The following PTPRR variants were observed in gnomAD, a reference collection of about 807,000 sequenced individuals.
PTPRR encodes receptor-type tyrosine-protein phosphatase R.
In PTPRR, 38 loss-of-function variants were observed where a neutral mutation model predicts 77.2. That is an observed-to-expected ratio of 0.49 (90% CI 0.38 to 0.65). The LOEUF is 0.65. Among genes scored for constraint, PTPRR ranks in the 30% least tolerant of loss-of-function variants. PTPRR has a pLI of 0.00. For missense variants in PTPRR, 744 were observed against 799.2 expected (o/e 0.93, Z 0.83); for synonymous variants, 299 against 283.1 (o/e 1.06, Z -0.57).
intron 2 of PTPRR, among the ~76,000 whole-genome samples, chr12:70,792,933 A>C (rs1224529232): frequency 1.3e-5 from 2 of 152,162 alleles, no homozygotes; most frequent in Non-Finnish European, 2.9e-5. Flanking sequence ...GGAAAGACAA[A>C]AACCAAATTT....
chr12:70,639,543 G>T, intron 13 of PTPRR: 1 of 1,160,504 alleles, frequency 8.6e-7, no homozygotes, highest in Non-Finnish European at 1.1e-6. Context: ...TGGGGAGGTG[G>T]TACAGCCTAA....
At chr12:70,836,302 A>G (rs1237053857) in intron 2 of PTPRR, among the ~76,000 whole-genome samples, 1 of 138,412 alleles carries the variant, frequency 7.2e-6, no homozygotes, top group Non-Finnish European at 1.5e-5. Context: ...ATCTCAAGAC[A>G]TGTGTTTTTT....
chr12:70,740,156 A>G (rs1889999839), intron 6 of PTPRR, among the ~76,000 whole-genome samples: 1 of 152,190 alleles, frequency 6.6e-6, no homozygotes, highest in Non-Finnish European at 1.5e-5. Context: ...ATGAAATAAA[A>G]TAATATATAT....
intron 2 of PTPRR, among the ~76,000 whole-genome samples, chr12:70,826,750 C>T (rs1892115960): frequency 6.6e-6 from 1 of 152,180 alleles, no homozygotes; most frequent in African/African-American, 2.4e-5. Context: ...GTCCTTTGCT[C>T]CGGATAATGT....
intron 10 of PTPRR, among the ~76,000 whole-genome samples, chr12:70,664,880 A>G (rs1886926730): frequency 6.6e-6 from 1 of 152,232 alleles, no homozygotes; most frequent in Admixed American, 6.5e-5. Flanking sequence ...TGACAGAAAA[A>G]GAGACCAGAT....
chr12:70,774,762 G>A (rs2090609771), intron 2 of PTPRR, among the ~76,000 whole-genome samples: 1 of 152,046 alleles, frequency 6.6e-6, no homozygotes, highest in East Asian at 1.9e-4. Flanking sequence ...TGCAATTTGA[G>A]AAAAAGAAAG....
At chr12:70,668,169 G>A (rs568709745) in intron 10 of PTPRR, among the ~76,000 whole-genome samples, 3 of 152,142 alleles carry the variant, frequency 2.0e-5, no homozygotes, top group South Asian at 2.1e-4. Context: ...CACCATAAGT[G>A]GATTCCAGGC....
chr12:70,685,212 C>T (rs139017200), intron 8 of PTPRR, among the ~76,000 whole-genome samples: 3,054 of 152,168 alleles, frequency 0.02, 57 homozygotes, highest in Admixed American at 0.037. Flanking sequence ...AGGTCTGAAC[C>T]TCACCTTGTC....
At chr12:70,824,398 T>A (rs1395580242) in intron 2 of PTPRR, among the ~76,000 whole-genome samples, 2 of 152,112 alleles carry the variant, frequency 1.3e-5, no homozygotes, top group Non-Finnish European at 2.9e-5. Context: ...AATTTTTTTT[T>A]AAAATGTAAG....
At chr12:70,726,724 G>A (rs1280579200) in intron 6 of PTPRR, among the ~76,000 whole-genome samples, 2 of 151,980 alleles carry the variant, frequency 1.3e-5, no homozygotes, top group Non-Finnish European at 2.9e-5. Flanking sequence ...GGGATTACAG[G>A]TGTATGCCAT....
intron 1 of PTPRR, among the ~76,000 whole-genome samples, chr12:70,902,174 G>A (rs900137468): frequency 2.0e-5 from 3 of 151,836 alleles, no homozygotes; most frequent in Non-Finnish European, 2.9e-5. Flanking sequence ...AGTAGATGTT[G>A]GCATGGATGC....
intron 10 of PTPRR, chr12:70,672,464 C>G: frequency 9.1e-7 from 1 of 1,101,468 alleles, no homozygotes; most frequent in Non-Finnish European, 1.4e-6. Context: ...GCCCATGTGG[C>G]TGGCTTCACT....
At chr12:70,876,799 T>G (rs947957948) in intron 2 of PTPRR, among the ~76,000 whole-genome samples, 1 of 152,168 alleles carries the variant, frequency 6.6e-6, no homozygotes, top group African/African-American at 2.4e-5. Flanking sequence ...TGTTAAGAAC[T>G]CAAAGGAAAA....
intron 3 of PTPRR, 59 bp downstream of exon 3, chr12:70,764,606 G>A (rs1283370703): frequency 7.2e-7 from 1 of 1,379,548 alleles, no homozygotes; most frequent in Non-Finnish European, 1.0e-6. Context: ...GCCCTTTAGT[G>A]ATTAAAAAAA....
intron 4 of PTPRR, 51 bp from the exon 5 acceptor site, chr12:70,754,352 T>C (rs1446248864): frequency 7.5e-6 from 12 of 1,606,958 alleles, no homozygotes; most frequent in Middle Eastern, 1.7e-4. Flanking sequence ...TTGAGAAAAC[T>C]GGCGTTCTTA....
chr12:70,814,474 TC>T (rs1242534647), intron 2 of PTPRR, among the ~76,000 whole-genome samples: 1 of 152,184 alleles, frequency 6.6e-6, no homozygotes, highest in East Asian at 1.9e-4. Flanking sequence ...TTGCTAAATT[TC>T]CCACTCCCAG....
At chr12:70,777,713 G>A (rs1452700197) in intron 2 of PTPRR, among the ~76,000 whole-genome samples, 4 of 152,134 alleles carry the variant, frequency 2.6e-5, no homozygotes, top group Non-Finnish European at 5.9e-5. Context: ...TCTGCAAGCT[G>A]GATGGGTCCA....
chr12:70,780,719 CTTTATTCCCCAGCCCTGATGT>C (rs1565694442), intron 2 of PTPRR, among the ~76,000 whole-genome samples: 1 of 152,098 alleles, frequency 6.6e-6, no homozygotes, highest in African/African-American at 2.4e-5. Flanking sequence ...GGAGGAAATG[CTTTATTCCCCAGCCCTGATGT>C]TTTATTCTGT....
chr12:70,745,395 A>T (rs1259080821), intron 6 of PTPRR, among the ~76,000 whole-genome samples: 1 of 152,222 alleles, frequency 6.6e-6, no homozygotes, highest in Admixed American at 6.5e-5. Context: ...CTTTAAAAAA[A>T]ATTAATCTGT....
Sources: gnomAD v4.1 joint callset for allele counts (sites outside exome capture counted in the v4.1 genomes callset) on GRCh38, gnomAD v4.1.1 for gene constraint, MANE v1.5 for transcripts, NCBI Gene and HGNC (gene_info 2026-07-23, HGNC 2026-07-21) for gene names.